URB1: variants seen among roughly 807,000 people sequenced by gnomAD.
The protein encoded by URB1 is nucleolar pre-ribosomal-associated protein 1.
In URB1, 197 loss-of-function variants were observed where a neutral mutation model predicts 242.3. The ratio of observed to expected loss-of-function variants is 0.81; its 90% CI spans 0.72 to 0.91. The LOEUF (loss-of-function observed/expected upper bound fraction) is 0.91, where lower values mean the gene tolerates loss of function less well. Ranked by LOEUF, URB1 falls within the 40% of genes least tolerant of loss-of-function variation. The probability of loss-of-function intolerance (pLI) is 0.00; values close to 1 mark genes in which losing one functional copy is unlikely to be tolerated. For missense variants in URB1, 2,721 were observed against 2,860.5 expected (o/e 0.95, Z 1.11); for synonymous variants, 1,153 against 1,201.8 (o/e 0.96, Z 0.84).
intron 21 of URB1, among the ~76,000 whole-genome samples, chr21:32,348,661 A>G (rs1421828747): frequency 1.3e-5 from 2 of 152,212 alleles, no homozygotes; most frequent in African/African-American, 4.8e-5. Context: ...TCTCCACTCA[A>G]GCTTTACCAG....
chr21:32,359,954 G>A, intron 13 of URB1, 46 bp from the exon 14 acceptor site: 1 of 1,524,688 alleles, frequency 6.6e-7, no homozygotes, highest in Non-Finnish European at 8.9e-7. Context: ...CATGGACGTG[G>A]GTGCCCAACA....
rs1378863987 is a variant in URB1, at chr21:32,355,353, T to C, written c.2106+96A>G. Reference sequence around the variant, plus strand: ...AGGAAGTAAGCCAGGACGAGAAGCCTTTTGGTGCTGGTGCATCAAAAATGC... The same window carrying C: ...AGGAAGTAAGCCAGGACGAGAAGCCCTTTGGTGCTGGTGCATCAAAAATGC... On this transcript the variant is annotated intron_variant, in intron 16 of 38. Transcript: ENST00000382751. The C allele has an allele frequency of 4.5e-6, 5 of 1,104,668 alleles. No homozygotes were observed. In the East Asian group the frequency reaches 1.3e-4, roughly 29 times the overall value. 68.4% of individuals were successfully genotyped at this position (1,104,668 alleles called of 1,614,324 possible).
rs911430138 is a variant in URB1, at chr21:32,312,042, C to A, written c.*2876G>T. ...AGCTGAGTGAACTGGTGAAATCAAG[C>A]CAACCTGGACACATACGTTCCTCGT... On this transcript the variant is annotated 3_prime_UTR_variant, in exon 39 of 39. Transcript: ENST00000382751. The A allele has an allele frequency of 6.2e-7, 1 of 1,611,094 alleles. No homozygotes were observed. Among genetic ancestry groups the A allele is most frequent in the African/African-American group, 1.3e-5 (1 of 74,928 alleles).
intron 2 of URB1, among the ~76,000 whole-genome samples, chr21:32,384,797 C>A (rs969156755): frequency 1.3e-5 from 2 of 152,186 alleles, no homozygotes; most frequent in African/African-American, 4.8e-5. Flanking sequence ...CTAGCTAACA[C>A]GGTGAAACCC....
chr21:32,328,531 G>A (rs1439253723), intron 30 of URB1, among the ~76,000 whole-genome samples: 2 of 152,170 alleles, frequency 1.3e-5, no homozygotes, highest in Admixed American at 6.5e-5. Context: ...CAATTATATT[G>A]TTTTACAAAA....
chr21:32,360,254 C>G (rs892364113), intron 13 of URB1, among the ~76,000 whole-genome samples: 3 of 152,182 alleles, frequency 2.0e-5, no homozygotes, highest in Non-Finnish European at 4.4e-5. Context: ...ACTCCCCAGA[C>G]AGCAAGCATT....
chr21:32,339,407 T>A (rs2033001751), intron 25 of URB1, among the ~76,000 whole-genome samples: 1 of 151,818 alleles, frequency 6.6e-6, no homozygotes, highest in Admixed American at 6.6e-5. Flanking sequence ...ACTGCATAGC[T>A]CTATCACAGT....
At chr21:32,366,795 T>A in intron 9 of URB1, 40 bp from the exon 10 acceptor site, 1 of 1,545,604 alleles carries the variant, frequency 6.5e-7, no homozygotes, top group Non-Finnish European at 8.7e-7. Context: ...GTGCTAGAAG[T>A]AAGTTTCAAA....
chr21:32,387,333 C>T (rs977699022), intron 1 of URB1, among the ~76,000 whole-genome samples: 3 of 152,156 alleles, frequency 2.0e-5, no homozygotes, highest in Non-Finnish European at 4.4e-5. Flanking sequence ...CTCGGAGAAT[C>T]ACTTGAATCC....
rs1022826653 is a variant in URB1, at chr21:32,339,734, G to A, written c.4317-834C>T. Reference sequence around the variant, plus strand: ...TCTCGATCTTCTGACCTCGTGATCCGCCCGCCTCAGCCTCCCAAAGTGCTG... The same window carrying A: ...TCTCGATCTTCTGACCTCGTGATCCACCCGCCTCAGCCTCCCAAAGTGCTG... On this transcript the variant is annotated intron_variant, in intron 25 of 38. Transcript: ENST00000382751. Among the ~76,000 whole-genome samples the A allele has an allele frequency of 2.6e-5, 4 of 152,026 alleles. No homozygotes were observed. The East Asian group carries it at 5.8e-4, about 22-fold the overall frequency.
chr21:32,318,049 C>T, intron 36 of URB1, 132 bp from the exon 37 acceptor site: 1 of 1,217,712 alleles, frequency 8.2e-7, no homozygotes, highest in Middle Eastern at 2.9e-4. Context: ...TTTTCCTGCA[C>T]AGCAGACATC....
Position 32,311,847 on chromosome 21 carries a change from C to G in URB1, c.*3071G>C, listed in dbSNP as rs758718535. 1.1e-5 allele frequency: 17 copies of G among 1,614,148 alleles called. No individual in the cohort carries two copies. Among genetic ancestry groups the G allele is most frequent in the South Asian group, 3.3e-5 (3 of 91,086 alleles). ...CAGAACTGGCCCTGACCAGCCGCTA[C>G]GACAGGAGAGCTCCTCCACCTTGCC... On this transcript the variant is annotated 3_prime_UTR_variant, in exon 39 of 39. Coordinates refer to ENST00000382751, the MANE Select transcript of URB1 (RefSeq NM_014825.3).
intron 30 of URB1, among the ~76,000 whole-genome samples, chr21:32,331,324 G>C (rs2032890688): frequency 6.6e-6 from 1 of 152,230 alleles, no homozygotes; most frequent in African/African-American, 2.4e-5. Context: ...AGCACCTGCT[G>C]AATTTCAAAC....
chr21:32,321,701 C>T, intron 34 of URB1, 100 bp downstream of exon 34: 1 of 1,496,976 alleles, frequency 6.7e-7, no homozygotes, highest in South Asian at 1.3e-5. Context: ...CGGTCGTGTC[C>T]AGGCTGGGAA....
chr21:32,369,292 G>C (rs1224968901), intron 8 of URB1, among the ~76,000 whole-genome samples: 1 of 152,180 alleles, frequency 6.6e-6, no homozygotes, highest in Non-Finnish European at 1.5e-5. Context: ...GAACCTGAGA[G>C]GTGGAGGTTG....
rs529924652 is a variant in URB1 at position 32,370,721 on chromosome 21, A to G, written c.1001+1786T>C. Among the ~76,000 whole-genome samples the G allele has an allele frequency of 7.9e-5, 12 of 152,378 alleles. No homozygotes were observed. The South Asian group carries it at 2.5e-3, about 32-fold the overall frequency. ...ACTGGCAAAGTAGGGCCCAGCACCT[A>G]TCATTGTAATTTGATTGGGACACAG... On this transcript the variant is annotated intron_variant, in intron 8 of 38. Coordinates refer to ENST00000382751, the MANE Select transcript of URB1 (RefSeq NM_014825.3).
chr21:32,327,295 TAACTC>T (rs1207014242), intron 30 of URB1, among the ~76,000 whole-genome samples: 3 of 152,100 alleles, frequency 2.0e-5, no homozygotes, highest in East Asian at 1.9e-4. Flanking sequence ...TTGTCAGAAA[TAACTC>T]AATTCAGAAA....
chr21:32,322,441 G>T, intron 33 of URB1, 37 bp downstream of exon 33: 2 of 1,502,866 alleles, frequency 1.3e-6, no homozygotes, highest in South Asian at 1.2e-5. Context: ...ATCAATTCAG[G>T]GGCCTGCAGA....
At chr21:32,389,033 C>A (rs956614074) in intron 1 of URB1, among the ~76,000 whole-genome samples, 2 of 149,432 alleles carry the variant, frequency 1.3e-5, no homozygotes, top group Non-Finnish European at 3.0e-5. Context: ...TACATAGACA[C>A]GTATAGCACC....
Sources: allele counts gnomAD v4.1 joint callset (sites outside exome capture counted in the v4.1 genomes callset), GRCh38; gene constraint gnomAD v4.1.1; transcripts MANE v1.5; gene names NCBI Gene and HGNC (gene_info 2026-07-23, HGNC 2026-07-21).